The following VWC2L variants were observed in gnomAD, a reference collection of about 807,000 sequenced individuals.
VWC2L encodes the protein von Willebrand factor C domain-containing protein 2-like.
Under a neutral mutation model 21.6 loss-of-function variants are expected in VWC2L, and 10 were observed. The observed-to-expected ratio is 0.46, with a 90% CI of 0.29 to 0.78. VWC2L has a LOEUF of 0.78. Ranked by LOEUF, VWC2L falls within the 30% of genes least tolerant of loss-of-function variation. VWC2L has a pLI of 0.10. For synonymous variants in VWC2L, 96 were observed against 94.3 expected (o/e 1.02, Z -0.10); for missense variants, 209 against 277.1 (o/e 0.75, Z 1.74).
chr2:214,450,060 T>C (rs551545618), intron 3 of VWC2L, among the ~76,000 whole-genome samples: 9 of 152,190 alleles, frequency 5.9e-5, no homozygotes, highest in Non-Finnish European at 1.3e-4. Flanking sequence ...AGGGGCAAGA[T>C]GCAGGGCACT....
At chr2:214,552,443 CAT>C (rs1194118646) in intron 3 of VWC2L, among the ~76,000 whole-genome samples, 1 of 152,162 alleles carries the variant, frequency 6.6e-6, no homozygotes, top group East Asian at 1.9e-4. Context: ...CCCACAATGA[CAT>C]AGGAATTGCT....
At chr2:214,428,123 A>G (rs2126175025) in intron 2 of VWC2L, among the ~76,000 whole-genome samples, 1 of 152,350 alleles carries the variant, frequency 6.6e-6, no homozygotes, top group South Asian at 2.1e-4. Flanking sequence ...GTGGGGAAGG[A>G]AACTCTGACG....
intron 3 of VWC2L, among the ~76,000 whole-genome samples, chr2:214,522,009 G>C (rs1027982457): frequency 5.9e-5 from 9 of 152,188 alleles, no homozygotes; most frequent in African/African-American, 2.2e-4. Flanking sequence ...GTGTTCTTAT[G>C]TTTATAAATG....
chr2:214,575,057 G>C (rs1457294461), intron 3 of VWC2L, among the ~76,000 whole-genome samples: 1 of 108,892 alleles, frequency 9.2e-6, no homozygotes, highest in East Asian at 2.7e-4. Flanking sequence ...AAAAAAAAAA[G>C]AGCCAGCAGA....
intron 3 of VWC2L, among the ~76,000 whole-genome samples, chr2:214,480,826 GA>G (rs1412133595): frequency 2.8e-5 from 2 of 71,510 alleles, no homozygotes; most frequent in Non-Finnish European, 5.3e-5. Flanking sequence ...ATAAAAGGCT[GA>G]AAAAGTCTTC....
intron 3 of VWC2L, among the ~76,000 whole-genome samples, chr2:214,450,964 G>A (rs1702944778): frequency 6.6e-6 from 1 of 151,976 alleles, no homozygotes; most frequent in African/African-American, 2.4e-5. Flanking sequence ...GGAGGAGGAA[G>A]CTGAAGCTGA....
At chr2:214,508,794 T>C (rs1316728759) in intron 3 of VWC2L, among the ~76,000 whole-genome samples, 1 of 152,230 alleles carries the variant, frequency 6.6e-6, no homozygotes, top group East Asian at 1.9e-4. Flanking sequence ...ATTTTGTGTT[T>C]TTTTGGTTTG....
chr2:214,515,179 T>G (rs1028628717), intron 3 of VWC2L, among the ~76,000 whole-genome samples: 3 of 152,184 alleles, frequency 2.0e-5, no homozygotes, highest in Non-Finnish European at 4.4e-5. Flanking sequence ...ATGGTATGAT[T>G]GCATACTCCT....
At position 214,423,566 on chromosome 2, in the gene VWC2L, A is replaced by T. The variant is rs554694494; in HGVS notation, c.390+8983A>T. Among the ~76,000 whole-genome samples, 7 of 152,288 alleles carry T rather than the reference A, an allele frequency of 4.6e-5. No individual in the cohort carries two copies. The South Asian group carries it at 1.4e-3, about 32-fold the overall frequency. ...TTATCTCAGCCAATTGTCTATAGAAATGTGATATCAGGACCTATCACCATG... is the reference window on the plus strand; with the variant it reads ...TTATCTCAGCCAATTGTCTATAGAATTGTGATATCAGGACCTATCACCATG... On this transcript the variant is annotated intron_variant, in intron 2 of 3. Transcript: ENST00000312504.
intron 3 of VWC2L, among the ~76,000 whole-genome samples, chr2:214,569,810 G>A (rs929587331): frequency 2.0e-5 from 3 of 152,140 alleles, no homozygotes; most frequent in African/African-American, 7.2e-5. Flanking sequence ...CTCCTTTAGA[G>A]CACTTACTTC....
chr2:214,445,171 A>G (rs1346371940), intron 3 of VWC2L, among the ~76,000 whole-genome samples: 3 of 151,998 alleles, frequency 2.0e-5, no homozygotes, highest in African/African-American at 4.8e-5. Context: ...AAGAGTGTAA[A>G]TGATATATGC....
At chr2:214,572,488 G>T (rs547404493) in intron 3 of VWC2L, among the ~76,000 whole-genome samples, 1 of 152,144 alleles carries the variant, frequency 6.6e-6, no homozygotes, top group Non-Finnish European at 1.5e-5. Flanking sequence ...TTTAAGAAAC[G>T]TATTCCCTTA....
chr2:214,473,736 T>C (rs1703342620), intron 3 of VWC2L: 1 of 151,406 alleles, frequency 6.6e-6, no homozygotes, highest in Non-Finnish European at 1.5e-5. Context: ...CTTCTTATGT[T>C]ATATCTCGGT....
intron 3 of VWC2L, among the ~76,000 whole-genome samples, chr2:214,539,938 G>T (rs116216929): frequency 0.016 from 2,503 of 151,852 alleles, 72 homozygotes; most frequent in African/African-American, 0.057. Context: ...GTTTTGTATT[G>T]GTAAAAATCA....
At chr2:214,414,009 T>TCAC in intron 1 of VWC2L, 105 bp from the exon 2 acceptor site, 2 of 617,212 alleles carry the variant, frequency 3.2e-6, no homozygotes, top group Admixed American at 3.7e-5. Flanking sequence ...ATTTGAGGAC[T>TCAC]TAGTATCTTC....
rs187586628 is a variant in VWC2L, at chr2:214,458,574, A to G, written c.520+21816A>G. Among the ~76,000 whole-genome samples, 3 of 152,228 alleles carry G rather than the reference A, an allele frequency of 2.0e-5. No homozygotes were observed. The East Asian group carries it at 5.8e-4, about 29-fold the overall frequency. On this transcript the variant is annotated intron_variant, in intron 3 of 3. Coordinates refer to ENST00000312504, the MANE Select transcript of VWC2L (RefSeq NM_001080500.4). ...TTCGGATGTAGGTGGTTATTGCTAT[A>G]AATGACCCTCTTAGCACAGCTTTTG...
At chr2:214,510,485 C>A (rs1462647287) in intron 3 of VWC2L, among the ~76,000 whole-genome samples, 1 of 152,176 alleles carries the variant, frequency 6.6e-6, no homozygotes, top group Non-Finnish European at 1.5e-5. Flanking sequence ...GAAAAACCGA[C>A]AAGGTACTTT....
chr2:214,452,758 CTTGT>C (rs1702994658), intron 3 of VWC2L, among the ~76,000 whole-genome samples: 1 of 152,056 alleles, frequency 6.6e-6, no homozygotes. Context: ...AATTACCAGT[CTTGT>C]TTAATTTTAG....
At chr2:214,473,996 C>A (rs1703347754) in intron 3 of VWC2L, among the ~76,000 whole-genome samples, 1 of 151,958 alleles carries the variant, frequency 6.6e-6, no homozygotes, top group Admixed American at 6.6e-5. Context: ...GAAGAAAGAC[C>A]TTAATCATAG....
Sources: gnomAD v4.1 joint callset for allele counts (sites outside exome capture counted in the v4.1 genomes callset) on GRCh38, gnomAD v4.1.1 for gene constraint, MANE v1.5 for transcripts, NCBI Gene and HGNC (gene_info 2026-07-23, HGNC 2026-07-21) for gene names.